DSP: variants seen among roughly 807,000 people sequenced by gnomAD.
DSP encodes the protein 250/210 kDa paraneoplastic pemphigus antigen.
DSP carries 114 observed loss-of-function variants against 290.6 expected under a neutral mutation model. The ratio of observed to expected loss-of-function variants is 0.39; its 90% CI spans 0.34 to 0.46. The LOEUF is 0.46. Among genes scored for constraint, DSP ranks in the 20% least tolerant of loss-of-function variants. The pLI, the probability that DSP is intolerant of heterozygous loss-of-function variation, is 0.99. For synonymous variants in DSP, 1,311 were observed against 1,316.4 expected (o/e 1.00, Z 0.09); for missense variants, 3,230 against 3,495.8 (o/e 0.92, Z 1.92).
In DSP at chr6:7,569,226, A is replaced by G. The variant is rs1758960290; in HGVS notation, c.1460A>G (p.Asn487Ser). 6.2e-7 allele frequency: 1 copy of G among 1,614,114 alleles called. No homozygotes were observed. Among genetic ancestry groups the G allele is most frequent in the African/African-American group, 1.3e-5 (1 of 74,928 alleles). The change falls in exon 12 of 24, where the codon AAC becomes AGC. Residue 487 changes from asparagine (N) to serine (S), a missense_variant. Transcript: ENST00000379802. ...HKGDECILKDNNERSKWYVTG... is the reference protein window; with the variant it reads ...HKGDECILKDSNERSKWYVTG... ...GGGGATGAGTGTATCCTGAAGGACAACAACGAGCGCAGCAAGTGGTACGTG... is the reference window on the plus strand; with the variant it reads ...GGGGATGAGTGTATCCTGAAGGACAGCAACGAGCGCAGCAAGTGGTACGTG...
chr6:7,566,382 C>T lies in DSP; in HGVS notation c.945C>T (p.Arg315=). 2 of 1,612,814 alleles carry T rather than the reference C, an allele frequency of 1.2e-6. No homozygotes were observed. The highest frequency in any genetic ancestry group is 1.3e-5 in the African/African-American group (1 of 74,996). Residue 315 remains arginine (R), a synonymous_variant, in exon 8 of 24, where the codon CGC becomes CGT. Transcript: ENST00000379802. ...TCTTATTTCTTCATTCACAGATACGCATGAGTCAACTGGAAGTTAAAGAAA... is the reference window on the plus strand; with the variant it reads ...TCTTATTTCTTCATTCACAGATACGTATGAGTCAACTGGAAGTTAAAGAAA... ...IAQKQEAFSI[R]MSQLEVKEKE... is the part of the protein sequence containing the mutation.
At position 7,585,012 on chromosome 6, in the gene DSP, A is replaced by T. The variant is rs755017000; in HGVS notation, c.7750A>T (p.Ser2584Cys). 6.2e-7 allele frequency: 1 copy of T among 1,614,098 alleles called. No individual in the cohort carries two copies. The highest frequency in any genetic ancestry group is 2.2e-5 in the East Asian group (1 of 44,898). ...TGGTGTCAGCGATGATGTTTTTAGC[A>T]GCTCCCGACATGAATCAGTAAGTAA... ...GSGVSDDVFS[S>C]SRHESVSKIS... The change falls in exon 24 of 24, where the codon AGC becomes TGC. Residue 2584 changes from serine (S) to cysteine (C), a missense_variant. Physicochemically the swap from Ser to Cys is moderately radical, Grantham distance 112 (BLOSUM62 -1). This residue lies in a region of DSP where 582 missense variants were observed against 555.4 expected (regional missense o/e 1.05). Transcript: ENST00000379802.
intron 2 of DSP, among the ~76,000 whole-genome samples, chr6:7,557,363 CAG>C (rs1234776640): frequency 6.6e-6 from 1 of 152,154 alleles, no homozygotes; most frequent in Non-Finnish European, 1.5e-5. Context: ...TACAGTTAAC[CAG>C]GCAGAAGCCT....
Position 7,566,153 on chromosome 6 carries a change from T to C in DSP, c.940-224T>C, listed in dbSNP as rs2842683. ...ACCTCAGGATGGATGTAGCTCTTCT[T>C]TCCTCCTGTGTCATCTTGAGTAAGC... is the stretch of plus-strand genomic sequence containing the variant. On this transcript the variant is annotated intron_variant, in intron 7 of 23. Transcript: ENST00000379802. Among the ~76,000 whole-genome samples, 82,373 of 151,996 alleles carry C rather than the reference T, an allele frequency of 0.54. 23,099 individuals are homozygous for C. Among genetic ancestry groups the C allele is most frequent in the African/African-American group, 0.69 (28,561 of 41,466 alleles).
At position 7,579,427 on chromosome 6, in the gene DSP, G is replaced by T. The variant is rs776294159; in HGVS notation, c.3237G>T (p.Leu1079=). The T allele has an allele frequency of 6.2e-7, 1 of 1,614,164 alleles. No homozygotes were observed. The highest frequency in any genetic ancestry group is 1.1e-5 in the South Asian group (1 of 91,090). Residue 1079 remains leucine, a synonymous_variant, in exon 23 of 24, where the codon CTG becomes CTT. Transcript: ENST00000379802. This position sits in a 1 kb window ranked among gnomAD's most constrained non-coding sequence, Gnocchi z 4.1. ...AGTTCAAAGCGAAGCTTGCGAGCCT[G>T]GAGGAGCTGAAGAGACAGGCTGAGC... ...CSQFKAKLAS[L]EELKRQAELD...
Position 7,574,365 on chromosome 6 carries a change from T to TA in DSP, c.2297+114dup, listed in dbSNP as rs1759162925. Reference sequence around the variant, plus strand: ...GTTTCTCTGTTACTAGAGATTTACTTACATCCTTCTGTGGTTTGGAGAGCA... The same window carrying TA: ...GTTTCTCTGTTACTAGAGATTTACTTAACATCCTTCTGTGGTTTGGAGAGCA... On this transcript the variant is annotated intron_variant, in intron 16 of 23. Coordinates refer to ENST00000379802, the MANE Select transcript of DSP (RefSeq NM_004415.4). 4 of 1,139,970 alleles carry TA rather than the reference T, an allele frequency of 3.5e-6. No homozygotes were observed. The Admixed American group carries it at 7.5e-5, about 21-fold the overall frequency. The allele number at this position is 1,139,970 out of a possible 1,614,324, so 70.6% of individuals were successfully genotyped here.
chr6:7,581,651 C>G, intron 23 of DSP, 82 bp downstream of exon 23: 1 of 1,568,652 alleles, frequency 6.4e-7, no homozygotes, highest in Non-Finnish European at 8.6e-7. Context: ...TGTGCTCTTT[C>G]TGCTTAAATA....
At chr6:7,548,948 T>C (rs1291714226) in intron 1 of DSP, among the ~76,000 whole-genome samples, 1 of 152,192 alleles carries the variant, frequency 6.6e-6, no homozygotes, top group Admixed American at 6.5e-5. Flanking sequence ...TAAGTGTTTG[T>C]AGGAGTCCAA....
chr6:7,553,010 G>T (rs1362814848), intron 1 of DSP, among the ~76,000 whole-genome samples: 1 of 152,192 alleles, frequency 6.6e-6, no homozygotes, highest in Non-Finnish European at 1.5e-5. Flanking sequence ...ATTCACAATT[G>T]TGTTTGTCCT....
In DSP at chr6:7,584,833, C is replaced by G; in HGVS notation, c.7571C>G (p.Thr2524Arg). The G allele has an allele frequency of 6.2e-7, 1 of 1,614,192 alleles. No individual in the cohort carries two copies. Among genetic ancestry groups the G allele is most frequent in the Non-Finnish European group, 8.5e-7 (1 of 1,180,028 alleles). Residue 2524 changes from threonine to arginine, a missense_variant, in exon 24 of 24, where the codon ACA (threonine) becomes AGA (arginine). Coordinates refer to ENST00000379802, the MANE Select transcript of DSP (RefSeq NM_004415.4). The surrounding 1 kb of genome is among the most constrained non-coding windows in gnomAD (Gnocchi z 6.4). ...STRVVLVDRK[T>R]GSQYDIQDAI... ...AGGGTGGTCCTGGTAGATAGAAAGA[C>G]AGGCAGTCAGTATGATATTCAAGAT...
At chr6:7,555,684 T>G (rs750011754) in intron 1 of DSP, 34 bp from the exon 2 acceptor site, 28 of 1,594,916 alleles carry the variant, frequency 1.8e-5, no homozygotes, top group Non-Finnish European at 1.9e-5. Flanking sequence ...AATAGGTTAT[T>G]TGATGTCTGG....
At chr6:7,581,763 G>A (rs1759447090) in intron 23 of DSP, among the ~76,000 whole-genome samples, 194 bp downstream of exon 23, 1 of 152,124 alleles carries the variant, frequency 6.6e-6, no homozygotes, top group Non-Finnish European at 1.5e-5. Context: ...GTGCCCTGCT[G>A]TTCTTTAATT....
chr6:7,567,935 GCTGTGC>G, intron 10 of DSP, 29 bp downstream of exon 10: 10 of 1,611,634 alleles, frequency 6.2e-6, no homozygotes, highest in Non-Finnish European at 7.6e-6. Context: ...AACCTCAGCA[GCTGTGC>G]CTGATCAGGG....
At chr6:7,566,512 G>GAAA (rs200962599) in intron 8 of DSP, 31 bp downstream of exon 8, 2 of 1,315,520 alleles carry the variant, frequency 1.5e-6, no homozygotes, top group South Asian at 1.4e-5. Flanking sequence ...ATTTTTGTTA[G>GAAA]AAAAAAAAAA....
At position 7,555,618 on chromosome 6, in the gene DSP, A is replaced by C. The variant is rs1758484239; in HGVS notation, c.171-100A>C. Reference sequence around the variant, plus strand: ...GATTCCGGGTAAAGGGTCTCACAGGAGTGGTTTTGTCCCGTTTTTGCAACT... The same window carrying C: ...GATTCCGGGTAAAGGGTCTCACAGGCGTGGTTTTGTCCCGTTTTTGCAACT... On this transcript the variant is annotated intron_variant, in intron 1 of 23. Transcript: ENST00000379802. 4.4e-6 allele frequency: 4 copies of C among 905,252 alleles called. No homozygotes were observed. In the South Asian group the frequency reaches 5.6e-5, roughly 13 times the overall value. The allele number at this position is 905,252 out of a possible 1,614,324, so 56.1% of individuals were successfully genotyped here.
At chr6:7,571,283 TTGAGTCCCATCTAGTGGG>T in intron 13 of DSP, 82 bp from the exon 14 acceptor site, 1 of 1,117,200 alleles carries the variant, frequency 9.0e-7, no homozygotes, top group Admixed American at 1.7e-5. Flanking sequence ...GAGTGTTGCT[TTGAGTCCCATCTAGTGGG>T]TGGCATTTTT....
rs1315251434 is a variant in DSP, at chr6:7,568,691, A to G, written c.1419+102A>G. On this transcript the variant is annotated intron_variant, in intron 11 of 23. Coordinates refer to ENST00000379802, the MANE Select transcript of DSP (RefSeq NM_004415.4). Reference sequence around the variant, plus strand: ...TTTAATCTAGAGTTCAATAATCACCACAGTCAATGTCTTTGATCTATGAAA... The same window carrying G: ...TTTAATCTAGAGTTCAATAATCACCGCAGTCAATGTCTTTGATCTATGAAA... 30 of 1,265,054 alleles carry G rather than the reference A, an allele frequency of 2.4e-5. 1 individual carries two copies. The Admixed American group carries it at 5.1e-4, about 21-fold the overall frequency. 78.4% of individuals were successfully genotyped at this position (1,265,054 alleles called of 1,614,324 possible).
In DSP at chr6:7,562,692, C is replaced by T. The variant is rs1164941405; in HGVS notation, c.638C>T (p.Ser213Leu). The change falls in exon 5 of 24, where the codon TCA becomes TTA. Residue 213 changes from serine to leucine, a missense_variant. By Grantham distance (145) the Ser-to-Leu change is moderately radical. Transcript: ENST00000379802. ...GTGGCCTGGGGTGTGGACCTGGCCT[C>T]AGTGGAGCAGCACATTAACAGCCAC... Reference protein sequence around the residue: ...DMVAWGVDLASVEQHINSHRG... With the variant: ...DMVAWGVDLALVEQHINSHRG... 1.2e-6 allele frequency: 2 copies of T among 1,614,136 alleles called. No homozygotes were observed. Among genetic ancestry groups the T allele is most frequent in the East Asian group, 4.5e-5 (2 of 44,878 alleles).
At chr6:7,554,125 A>ACCCC (rs1554105404) in intron 1 of DSP, among the ~76,000 whole-genome samples, 2 of 144,396 alleles carry the variant, frequency 1.4e-5, no homozygotes, top group African/African-American at 5.4e-5. Context: ...ACACACACAC[A>ACCCC]CCCAGTTGGT....
Sources: allele counts gnomAD v4.1 joint callset (sites outside exome capture counted in the v4.1 genomes callset), GRCh38; gene constraint gnomAD v4.1.1; regional missense constraint gnomAD v4.1.1; non-coding constraint Gnocchi (gnomAD v3.1); transcripts MANE v1.5; gene names NCBI Gene and HGNC (gene_info 2026-07-23, HGNC 2026-07-21).